Variants in LRRIQ3 observed in about 807,000 individuals in gnomAD.
LRRIQ3 encodes leucine rich repeats and IQ motif containing 3, also known as leucine-rich repeat and IQ domain-containing protein 3.
LRRIQ3 carries 75 observed loss-of-function variants against 59.3 expected under a neutral mutation model. The ratio of observed to expected loss-of-function variants is 1.26; its 90% CI spans 1.05 to 1.53. The LOEUF (loss-of-function observed/expected upper bound fraction) is 1.53, where lower values mean the gene tolerates loss of function less well. LRRIQ3 is among the 40% of genes most tolerant of loss of function. The pLI is 0.00. For missense variants in LRRIQ3, 831 were observed against 710.0 expected, an observed-to-expected ratio of 1.17 and a Z score of -1.94; for synonymous variants, 250 against 231.3, an observed-to-expected ratio of 1.08 and a Z score of -0.73.
intron 6 of LRRIQ3, among the ~76,000 whole-genome samples, chr1:74,060,188 T>TTTCTTCTTCTTCTTCTTCTTCTTCTTC (rs1322871460): frequency 9.0e-6 from 1 of 111,518 alleles, no homozygotes; most frequent in African/African-American, 3.2e-5. Context: ...TCTTCTTCTT[T>TTTCTTCTTCTTCTTCTTCTTCTTCTTC]TTCTTCTTCT....
At chr1:74,078,769 G>A (rs1301701677) in intron 5 of LRRIQ3, 1 of 151,704 alleles carries the variant, frequency 6.6e-6, no homozygotes, top group Non-Finnish European at 1.5e-5. Flanking sequence ...GTGAACGTAA[G>A]CCCTATATAA....
chr1:74,048,732 CTG>C (rs1557592534), intron 6 of LRRIQ3, among the ~76,000 whole-genome samples: 1 of 151,970 alleles, frequency 6.6e-6, no homozygotes, highest in Non-Finnish European at 1.5e-5. Flanking sequence ...TATTAGCAGT[CTG>C]TCTTTACTCG....
chr1:74,103,693 C>A (rs1277084296), intron 5 of LRRIQ3, among the ~76,000 whole-genome samples: 1 of 151,654 alleles, frequency 6.6e-6, no homozygotes, highest in African/African-American at 2.4e-5. Context: ...TTCTTAGTAT[C>A]ATTTTCTGTT....
chr1:74,026,882 A>C lies in LRRIQ3; in HGVS notation c.1806T>G (p.Asp602Glu). The C allele has an allele frequency of 6.2e-7, 1 of 1,608,228 alleles. No homozygotes were observed. Among genetic ancestry groups the C allele is most frequent in the Non-Finnish European group, 8.5e-7 (1 of 1,176,954 alleles). ...TCACAATTGCTACTTTTGTTTTAGC[A>C]TCTTGAAGTCTTTCACAGGCTTTTT... is the stretch of plus-strand genomic sequence containing the variant. ...AFEKACERLQ[D>E]AKTKVAIVKT... The change falls in exon 8 of 8, where the codon GAT becomes GAG. Residue 602 changes from aspartate to glutamate, a missense_variant. Transcript: ENST00000354431.
intron 7 of LRRIQ3, among the ~76,000 whole-genome samples, chr1:74,027,576 T>C (rs1653557229): frequency 6.6e-6 from 1 of 152,060 alleles, no homozygotes. Context: ...GACACTTTGT[T>C]CTTGGACTTC....
At chr1:74,110,583 G>A (rs758537993) in intron 4 of LRRIQ3, among the ~76,000 whole-genome samples, 6 of 152,092 alleles carry the variant, frequency 3.9e-5, no homozygotes, top group Middle Eastern at 6.8e-3. Context: ...CATTCTGAGT[G>A]ATAAAATAAT....
At chr1:74,034,947 T>C (rs1028199605) in intron 7 of LRRIQ3, among the ~76,000 whole-genome samples, 9 of 152,018 alleles carry the variant, frequency 5.9e-5, no homozygotes, top group Admixed American at 3.3e-4. Context: ...CCATTTGAAA[T>C]AGCACTAGGA....
chr1:74,026,590 C>CATCT lies in LRRIQ3; in HGVS notation c.*219_*222dup, dbSNP rs1653523012. 2.6e-6 allele frequency: 1 copy of CATCT among 391,836 alleles called. No individual in the cohort carries two copies. 24.3% of individuals were successfully genotyped at this position (391,836 alleles called of 1,614,324 possible). A position where few individuals can be genotyped will look rare whatever the true frequency, so the allele number is the denominator to read the frequency against. ...TAAATCAGTTTAATTGTTCCTTAGGCATCTGATCTAAGAAATTTTTCAGAG... is the reference window on the plus strand; with the variant it reads ...TAAATCAGTTTAATTGTTCCTTAGGCATCTATCTGATCTAAGAAATTTTTCAGAG... On this transcript the variant is annotated 3_prime_UTR_variant, in exon 8 of 8. Coordinates refer to ENST00000354431, the MANE Select transcript of LRRIQ3 (RefSeq NM_001105659.2).
intron 7 of LRRIQ3, among the ~76,000 whole-genome samples, chr1:74,034,736 T>C (rs1653818208): frequency 6.6e-6 from 1 of 151,836 alleles, no homozygotes; most frequent in South Asian, 2.1e-4. Flanking sequence ...TCATACGTAA[T>C]AAAGTATTAC....
chr1:74,111,144 AG>A (rs1237377656), intron 4 of LRRIQ3, among the ~76,000 whole-genome samples: 1 of 152,052 alleles, frequency 6.6e-6, no homozygotes, highest in Non-Finnish European at 1.5e-5. Context: ...AGAAAAGAAA[AG>A]AATGGATGTT....
At chr1:74,045,065 T>C (rs1358343080) in intron 6 of LRRIQ3, among the ~76,000 whole-genome samples, 1 of 152,176 alleles carries the variant, frequency 6.6e-6, no homozygotes, top group Non-Finnish European at 1.5e-5. Flanking sequence ...CTTCTGAAAC[T>C]ATTTCAAACA....
chr1:74,128,858 A>T (rs1570166340), intron 4 of LRRIQ3, among the ~76,000 whole-genome samples: 2 of 152,234 alleles, frequency 1.3e-5, no homozygotes, highest in Non-Finnish European at 2.9e-5. Context: ...GCTCTTAAAG[A>T]TTCATACAGG....
intron 1 of LRRIQ3, among the ~76,000 whole-genome samples, chr1:74,185,586 T>C (rs1650311336): frequency 6.6e-6 from 1 of 152,178 alleles, no homozygotes; most frequent in African/African-American, 2.4e-5. Context: ...TTTTTTCCCA[T>C]TCTGTGGCTT....
intron 4 of LRRIQ3, among the ~76,000 whole-genome samples, chr1:74,124,238 T>A (rs1175436983): frequency 6.6e-6 from 1 of 151,976 alleles, no homozygotes; most frequent in Non-Finnish European, 1.5e-5. Flanking sequence ...TAGAGTTGTT[T>A]GAGCTCCTTA....
At chr1:74,039,174 G>A (rs569927562) in intron 7 of LRRIQ3, among the ~76,000 whole-genome samples, 1 of 152,254 alleles carries the variant, frequency 6.6e-6, no homozygotes, top group African/African-American at 2.4e-5. Flanking sequence ...AGAACTTAGT[G>A]AAGCATACAC....
chr1:74,122,271 C>T (rs1220905225), intron 4 of LRRIQ3, among the ~76,000 whole-genome samples: 3 of 152,136 alleles, frequency 2.0e-5, no homozygotes, highest in Admixed American at 6.6e-5. Context: ...TTAATGATCG[C>T]TATTCTAATT....
intron 5 of LRRIQ3, among the ~76,000 whole-genome samples, chr1:74,091,483 C>T (rs963418537): frequency 1.3e-5 from 2 of 151,950 alleles, no homozygotes; most frequent in African/African-American, 4.8e-5. Flanking sequence ...TTTGATATAT[C>T]TGCAGGAAAG....
At chr1:74,123,872 A>G (rs779440192) in intron 4 of LRRIQ3, among the ~76,000 whole-genome samples, 12 of 151,980 alleles carry the variant, frequency 7.9e-5, no homozygotes, top group Non-Finnish European at 1.2e-4. Flanking sequence ...ATATTTGAGG[A>G]ACATCCAAGC....
At chr1:74,158,030 A>G (rs1223737614) in intron 3 of LRRIQ3, among the ~76,000 whole-genome samples, 2 of 152,142 alleles carry the variant, frequency 1.3e-5, no homozygotes, top group East Asian at 3.9e-4. Flanking sequence ...AAACCCTGGA[A>G]CCATCCTAGG....
Sources: allele counts gnomAD v4.1 joint callset (sites outside exome capture counted in the v4.1 genomes callset), GRCh38; gene constraint gnomAD v4.1.1; transcripts MANE v1.5; gene names NCBI Gene and HGNC (gene_info 2026-07-23, HGNC 2026-07-21).